SHISA9: variants seen among roughly 807,000 people sequenced by gnomAD.
SHISA9 encodes shisa family member 9, also known as protein shisa-9.
SHISA9 carries 13 observed loss-of-function variants against 38.0 expected under a neutral mutation model. That is an observed-to-expected ratio of 0.34 (90% confidence interval 0.22 to 0.54). The LOEUF is 0.54. SHISA9 is among the 20% of genes least tolerant of loss of function. The pLI is 0.91. For synonymous variants in SHISA9, 275 were observed against 242.0 expected (o/e 1.14, Z -1.27); for missense variants, 538 against 575.8 (o/e 0.93, Z 0.67).
At chr16:13,327,052 T>C in the SHISA9 span, among the ~76,000 whole-genome samples, 1 of 152,192 alleles carries the variant, frequency 6.6e-6, no homozygotes, top group South Asian at 2.1e-4. Context: ...GTGATACTAG[T>C]TATTTCAGTT....
the SHISA9 span, among the ~76,000 whole-genome samples, chr16:13,463,084 G>T: frequency 2.0e-5 from 3 of 152,172 alleles, no homozygotes; most frequent in Admixed American, 6.5e-5. Context: ...TGAGCCTGGG[G>T]GGGGAAGGTT....
chr16:13,299,463 C>G, the SHISA9 span, among the ~76,000 whole-genome samples: 1 of 152,154 alleles, frequency 6.6e-6, no homozygotes, highest in Non-Finnish European at 1.5e-5. Flanking sequence ...CCTGTAATCT[C>G]AGCACTTTAG....
intron 1 of SHISA9, chr16:12,909,582 C>T: frequency 1.0e-6 from 1 of 985,412 alleles, no homozygotes; most frequent in Non-Finnish European, 1.2e-6. Context: ...TCATTCCCAT[C>T]TTGGAGCTGT....
At chr16:12,975,671 C>T (rs1399043535) in intron 2 of SHISA9, among the ~76,000 whole-genome samples, 1 of 145,108 alleles carries the variant, frequency 6.9e-6, no homozygotes, top group Non-Finnish European at 1.5e-5. Context: ...GGGGTAAGGG[C>T]ATGTCACTAT....
At chr16:13,307,746 T>C in the SHISA9 span, among the ~76,000 whole-genome samples, 2 of 152,200 alleles carry the variant, frequency 1.3e-5, no homozygotes, top group African/African-American at 4.8e-5. Flanking sequence ...ATGTGTTTAA[T>C]AGAGAGGAAA....
the SHISA9 span, among the ~76,000 whole-genome samples, chr16:13,294,318 T>A: frequency 6.6e-6 from 1 of 152,204 alleles, no homozygotes; most frequent in Non-Finnish European, 1.5e-5. Context: ...CTGGGTTTGT[T>A]AATACGTCTG....
intron 2 of SHISA9, among the ~76,000 whole-genome samples, chr16:13,196,390 C>A (rs936212618): frequency 1.7e-5 from 2 of 116,206 alleles, no homozygotes; most frequent in Admixed American, 1.9e-4. Flanking sequence ...GAGCGAGACT[C>A]CGTCTCAAAA....
the SHISA9 span, among the ~76,000 whole-genome samples, chr16:13,422,925 A>G: frequency 1.3e-5 from 2 of 152,182 alleles, no homozygotes; most frequent in African/African-American, 4.8e-5. Flanking sequence ...TCTAAAATGA[A>G]AGGTTCCTGT....
intron 1 of SHISA9, among the ~76,000 whole-genome samples, chr16:12,912,903 G>A (rs10153206): frequency 0.061 from 9,327 of 151,992 alleles, 970 homozygotes; most frequent in African/African-American, 0.21. Context: ...TTCTGTCTCA[G>A]GGCCTTTGCA....
chr16:13,452,435 G>GA, the SHISA9 span, among the ~76,000 whole-genome samples: 1 of 152,104 alleles, frequency 6.6e-6, no homozygotes. Flanking sequence ...TGACAACTCT[G>GA]AAAAGAGCTG....
At chr16:13,266,928 T>G in the SHISA9 span, among the ~76,000 whole-genome samples, 2 of 152,102 alleles carry the variant, frequency 1.3e-5, no homozygotes, top group African/African-American at 4.8e-5. Context: ...GATTCAACAC[T>G]GAAAAAAGAA....
In SHISA9 at chr16:12,908,470, A is replaced by G. The variant is rs1288722181; in HGVS notation, c.563+5843A>G. 1.4e-5 allele frequency: 22 copies of G among 1,552,044 alleles called. No individual in the cohort carries two copies. In the East Asian group the frequency reaches 5.1e-4, roughly 36 times the overall value. On this transcript the variant is annotated intron_variant, in intron 1 of 4. Coordinates refer to ENST00000558583, the MANE Select transcript of SHISA9 (RefSeq NM_001145204.3). ...TCGTTTAATTTCATACCCTTCCCCC[A>G]TGAGGTAGGCTCTATGACAATCTGC...
At chr16:13,437,300 C>T in the SHISA9 span, among the ~76,000 whole-genome samples, 4 of 152,112 alleles carry the variant, frequency 2.6e-5, no homozygotes, top group Non-Finnish European at 5.9e-5. Context: ...AAAAGGCTCC[C>T]CTCCCACTCT....
the SHISA9 span, among the ~76,000 whole-genome samples, chr16:13,315,541 A>G: frequency 6.6e-6 from 1 of 152,214 alleles, no homozygotes; most frequent in African/African-American, 2.4e-5. Context: ...AGCTAAGAGC[A>G]TGGACTTGAG....
chr16:13,200,443 G>A (rs3080064), intron 2 of SHISA9, among the ~76,000 whole-genome samples: 30,722 of 102,036 alleles, frequency 0.3, 3,609 homozygotes, highest in African/African-American at 0.44. Context: ...CACACACACA[G>A]CAGCAGCAGC....
intron 2 of SHISA9, among the ~76,000 whole-genome samples, chr16:13,200,445 A>ACACACACACACACACAC (rs1444256867): frequency 1.1e-3 from 108 of 100,852 alleles, no homozygotes; most frequent in Admixed American, 6.1e-3. Flanking sequence ...CACACACAGC[A>ACACACACACACACACAC]GCAGCAGCAG....
chr16:13,469,362 A>AAAGAAAGAAAGAAAGAAAGAAAG, the SHISA9 span, among the ~76,000 whole-genome samples: 1 of 37,738 alleles, frequency 2.6e-5, no homozygotes, highest in East Asian at 7.4e-4. Flanking sequence ...AAGAAAGAAA[A>AAAGAAAGAAAGAAAGAAAGAAAG]GAAAAAGAAA....
chr16:13,498,000 A>T, the SHISA9 span, among the ~76,000 whole-genome samples: 9 of 152,186 alleles, frequency 5.9e-5, no homozygotes, highest in Non-Finnish European at 1.3e-4. Flanking sequence ...TAGAAAAAAA[A>T]TCACAAAGCA....
chr16:13,257,404 C>T, the SHISA9 span, among the ~76,000 whole-genome samples: 1 of 152,142 alleles, frequency 6.6e-6, no homozygotes, highest in South Asian at 2.1e-4. Context: ...CAATAACAAG[C>T]CCATAAGGCA....
Sources: gnomAD v4.1 joint callset for allele counts (sites outside exome capture counted in the v4.1 genomes callset) on GRCh38, gnomAD v4.1.1 for gene constraint, MANE v1.5 for transcripts, NCBI Gene and HGNC (gene_info 2026-07-23, HGNC 2026-07-21) for gene names.